TRHDE: variants seen among roughly 807,000 people sequenced by gnomAD.
The protein encoded by TRHDE is thyrotropin releasing hormone degrading enzyme, also known as thyrotropin-releasing hormone-degrading ectoenzyme.
TRHDE carries 72 observed loss-of-function variants against 125.7 expected under a neutral mutation model. The observed-to-expected ratio is 0.57, with a 90% CI of 0.47 to 0.70. TRHDE has a LOEUF of 0.70. Ranked by LOEUF, TRHDE falls within the 30% of genes least tolerant of loss-of-function variation. The pLI is 0.00. For missense variants in TRHDE, 1,110 were observed against 1,327.1 expected (o/e 0.84, Z 2.54); for synonymous variants, 509 against 509.1 (o/e 1.00, Z 0.00).
At chr12:72,591,727 T>A (rs756032104) in intron 12 of TRHDE, among the ~76,000 whole-genome samples, 18 of 151,566 alleles carry the variant, frequency 1.2e-4, no homozygotes, top group Non-Finnish European at 1.3e-4. Flanking sequence ...CTTCATTTTG[T>A]TTTTGGTCTT....
chr12:72,653,214 A>C, intron 17 of TRHDE, 58 bp downstream of exon 17: 2 of 1,451,724 alleles, frequency 1.4e-6, no homozygotes, highest in East Asian at 2.4e-5. Context: ...GGAGGAATAA[A>C]GGCCCAAGTT....
At chr12:72,309,132 A>G (rs754464028) in intron 2 of TRHDE, among the ~76,000 whole-genome samples, 2 of 151,736 alleles carry the variant, frequency 1.3e-5, no homozygotes, top group African/African-American at 2.4e-5. Context: ...TCTTCTTGCT[A>G]CTCCCTCTGT....
chr12:72,172,439 A>G (rs1245268566), intron 2 of TRHDE, among the ~76,000 whole-genome samples: 10 of 152,334 alleles, frequency 6.6e-5, no homozygotes, highest in Non-Finnish European at 1.2e-4. Context: ...AGTTTAACTC[A>G]GGTCTGCGTG....
chr12:72,629,158 T>C (rs1485137307), intron 15 of TRHDE, among the ~76,000 whole-genome samples: 1 of 151,914 alleles, frequency 6.6e-6, no homozygotes, highest in Non-Finnish European at 1.5e-5. Context: ...GACTTTATAT[T>C]CTAATTTAAA....
In TRHDE at chr12:72,272,481, C is replaced by G. The variant is rs1289961251; in HGVS notation, c.-163C>G. On this transcript the variant is annotated 5_prime_UTR_variant, in exon 1 of 19. Coordinates refer to ENST00000261180, the MANE Select transcript of TRHDE (RefSeq NM_013381.3). The surrounding 1 kb of genome is among the most constrained non-coding windows in gnomAD (Gnocchi z 6.7). ...GGCTGATGGGGGTCGCGGAAGCTGCCGTCGCTTGTGTCCAGAACCCGTCTT... is the reference window on the plus strand; with the variant it reads ...GGCTGATGGGGGTCGCGGAAGCTGCGGTCGCTTGTGTCCAGAACCCGTCTT... The G allele has an allele frequency of 1.9e-6, 1 of 526,926 alleles. No homozygotes were observed. Among genetic ancestry groups the G allele is most frequent in the Non-Finnish European group, 3.4e-6 (1 of 294,570 alleles). 32.6% of individuals were successfully genotyped at this position (526,926 alleles called of 1,614,324 possible).
At chr12:72,341,133 T>TTG (rs34269671) in intron 2 of TRHDE, among the ~76,000 whole-genome samples, 2 of 109,252 alleles carry the variant, frequency 1.8e-5, no homozygotes, top group African/African-American at 8.5e-5. Flanking sequence ...TTTCCTTCAG[T>TTG]TTTTTTTTTT....
At chr12:72,179,145 A>G (rs1877046112) in intron 2 of TRHDE, among the ~76,000 whole-genome samples, 1 of 152,160 alleles carries the variant, frequency 6.6e-6, no homozygotes, top group Non-Finnish European at 1.5e-5. Flanking sequence ...GATTTCTGGT[A>G]CAAGAAGTTC....
chr12:72,180,803 C>T (rs1306258096), intron 2 of TRHDE, among the ~76,000 whole-genome samples: 1 of 152,142 alleles, frequency 6.6e-6, no homozygotes, highest in Admixed American at 6.5e-5. Context: ...TGCTAATGAA[C>T]ATAAGGGCCC....
intron 2 of TRHDE, among the ~76,000 whole-genome samples, chr12:72,299,418 T>G (rs1035130011): frequency 6.6e-6 from 1 of 152,200 alleles, no homozygotes; most frequent in Non-Finnish European, 1.5e-5. Flanking sequence ...TAAGTTTAAT[T>G]TGGGGAGGAA....
intron 3 of TRHDE, among the ~76,000 whole-genome samples, chr12:72,458,530 A>T (rs760495824): frequency 1.3e-5 from 2 of 151,956 alleles, no homozygotes; most frequent in South Asian, 4.2e-4. Context: ...GTCTCCTCCC[A>T]TCTATGTGTT....
chr12:72,152,470 G>A (rs1057116335), intron 2 of TRHDE, among the ~76,000 whole-genome samples: 2 of 152,054 alleles, frequency 1.3e-5, no homozygotes, highest in African/African-American at 4.8e-5. Flanking sequence ...TCCCTGTCTT[G>A]TGCCAGTTTT....
intron 2 of TRHDE, among the ~76,000 whole-genome samples, chr12:72,266,904 GGT>G (rs1306546299): frequency 6.6e-6 from 1 of 151,982 alleles, no homozygotes; most frequent in African/African-American, 2.4e-5. Flanking sequence ...ACCTGAAGGT[GGT>G]GATTTTCATG....
At chr12:72,372,250 T>A (rs183065491) in intron 2 of TRHDE, among the ~76,000 whole-genome samples, 1 of 152,258 alleles carries the variant, frequency 6.6e-6, no homozygotes, top group African/African-American at 2.4e-5. Context: ...TTTTTTTTTC[T>A]TGTAAATTTG....
At chr12:72,377,083 C>T (rs1592401053) in intron 2 of TRHDE, among the ~76,000 whole-genome samples, 1 of 152,222 alleles carries the variant, frequency 6.6e-6, no homozygotes, top group African/African-American at 2.4e-5. Context: ...GGACTAAAAT[C>T]CAACTCCCAA....
At chr12:72,428,462 C>G (rs892740191) in intron 3 of TRHDE, among the ~76,000 whole-genome samples, 1 of 151,966 alleles carries the variant, frequency 6.6e-6, no homozygotes, top group African/African-American at 2.4e-5. Flanking sequence ...GATAAAGTAT[C>G]AAAAAGGATC....
chr12:72,188,863 C>T (rs1313899905), intron 2 of TRHDE, among the ~76,000 whole-genome samples: 3 of 152,182 alleles, frequency 2.0e-5, no homozygotes, highest in Non-Finnish European at 4.4e-5. Flanking sequence ...CTTCCTTTTC[C>T]TTGTGTCTTT....
chr12:72,475,344 T>C, intron 5 of TRHDE, among the ~76,000 whole-genome samples: 1 of 152,170 alleles, frequency 6.6e-6, no homozygotes, highest in Non-Finnish European at 1.5e-5. Flanking sequence ...TTATTACAAG[T>C]GATGTGTTAT....
chr12:72,589,903 T>C (rs1375484857), intron 12 of TRHDE, among the ~76,000 whole-genome samples: 1 of 152,050 alleles, frequency 6.6e-6, no homozygotes, highest in East Asian at 1.9e-4. Flanking sequence ...ATTTCTACTC[T>C]TTATTGTTTA....
At chr12:72,298,358 G>A (rs894041330) in intron 2 of TRHDE, among the ~76,000 whole-genome samples, 1 of 152,168 alleles carries the variant, frequency 6.6e-6, no homozygotes, top group Non-Finnish European at 1.5e-5. Flanking sequence ...TGACTGCAGA[G>A]GGAGTTGCCA....
Sources: gnomAD v4.1 joint callset for allele counts (sites outside exome capture counted in the v4.1 genomes callset) on GRCh38, gnomAD v4.1.1 for gene constraint, Gnocchi (gnomAD v3.1) non-coding constraint, MANE v1.5 for transcripts, NCBI Gene and HGNC (gene_info 2026-07-23, HGNC 2026-07-21) for gene names.